The following TMEM164 variants were observed in gnomAD, a reference collection of about 807,000 sequenced individuals.
TMEM164 encodes the protein RP13-360B22.2.
A neutral mutation model predicts 18.8 loss-of-function variants in TMEM164; 4 were observed. The ratio of observed to expected loss-of-function variants is 0.21; its 90% CI spans 0.10 to 0.49. The LOEUF (loss-of-function observed/expected upper bound fraction) is 0.49, where lower values mean the gene tolerates loss of function less well. TMEM164 is among the 20% of genes least tolerant of loss of function. The pLI is 0.98. For missense variants in TMEM164, 108 were observed against 239.9 expected, an observed-to-expected ratio of 0.45 and a Z score of 3.63; for synonymous variants, 86 against 101.7, an observed-to-expected ratio of 0.85 and a Z score of 0.93.
Position 110,009,992 on chromosome X carries a change from CAAA to C in TMEM164, c.390+5842_390+5844del, listed in dbSNP as rs34211835. On this transcript the variant is annotated intron_variant, in intron 2 of 6. Coordinates refer to ENST00000372068, the MANE Select transcript of TMEM164 (RefSeq NM_032227.4). ...TGGGTGACAGAGCAAGACTCTGTCT[CAAA>C]AAAAAAAAAAAAATCTTTCTGCCTG... is the stretch of plus-strand genomic sequence containing the variant. 5.0e-4 allele frequency among the ~76,000 whole-genome samples: 37 copies of C among 73,574 alleles called. No individual in the cohort carries two copies. In the East Asian group the frequency reaches 0.012, roughly 24 times the overall value. 63.9% of individuals were successfully genotyped at this position (73,574 alleles called of 115,157 possible).
intron 2 of TMEM164, among the ~76,000 whole-genome samples, chrX:110,023,158 G>C (rs1933998121): frequency 9.0e-6 from 1 of 111,232 alleles, no homozygotes; most frequent in African/African-American, 3.3e-5. Context: ...GAGTGGGAAG[G>C]GCCAGCACTG....
intron 4 of TMEM164, among the ~76,000 whole-genome samples, chrX:110,128,363 A>G: frequency 8.9e-6 from 1 of 112,154 alleles, no homozygotes; most frequent in Non-Finnish European, 1.9e-5. Flanking sequence ...TACAGGTAAA[A>G]TGTTACTATA....
At chrX:110,019,237 A>C (rs1933659773) in intron 2 of TMEM164, among the ~76,000 whole-genome samples, 1 of 111,346 alleles carries the variant, frequency 9.0e-6, no homozygotes, top group Non-Finnish European at 1.9e-5. Flanking sequence ...CAATCCATCC[A>C]GTGACCCAGG....
At chrX:110,169,002 G>C (rs766121305) in intron 5 of TMEM164, among the ~76,000 whole-genome samples, 2 of 112,354 alleles carry the variant, frequency 1.8e-5, no homozygotes, top group South Asian at 7.4e-4. Context: ...TAGGTGAGTA[G>C]AACCGAGTTC....
intron 5 of TMEM164, among the ~76,000 whole-genome samples, chrX:110,168,724 C>A (rs2067191285): frequency 8.9e-6 from 1 of 112,459 alleles, no homozygotes; most frequent in Non-Finnish European, 1.9e-5. Flanking sequence ...CCCACATGCT[C>A]TCCTTACATG....
At chrX:110,034,752 T>TA (rs1235930092) in intron 2 of TMEM164, among the ~76,000 whole-genome samples, 1 of 105,340 alleles carries the variant, frequency 9.5e-6, no homozygotes, top group African/African-American at 3.5e-5. Flanking sequence ...ATCATGCTGC[T>TA]ATAAAGACAC....
rs1569331132 is a variant in TMEM164 at position 110,105,749 on chromosome X, A to AAGAGAGAGAG, written c.441-3331_441-3330insAGAGAGAGAG. On this transcript the variant is annotated intron_variant, in intron 3 of 6. Transcript: ENST00000372068. ...ACACACACAGAGAGAGAGAGAGAGA[A>AAGAGAGAGAG]TGAGAGAGAGAGAGAGAGAGAGAGA... 2.0e-4 allele frequency among the ~76,000 whole-genome samples: 11 copies of AAGAGAGAGAG among 53,920 alleles called. No individual in the cohort carries two copies. In the East Asian group the frequency reaches 2.9e-3, roughly 14 times the overall value. The allele number at this position is 53,920 out of a possible 115,157, so 46.8% of individuals were successfully genotyped here. A position where few individuals can be genotyped will look rare whatever the true frequency, so the allele number is the denominator to read the frequency against.
intron 5 of TMEM164, among the ~76,000 whole-genome samples, chrX:110,153,822 C>T (rs762833131): frequency 2.7e-5 from 3 of 111,305 alleles, no homozygotes; most frequent in Non-Finnish European, 5.7e-5. Context: ...GTATTTTATG[C>T]GTGGCCCAAG....
chrX:110,107,730 G>A (rs986264115), intron 3 of TMEM164, among the ~76,000 whole-genome samples: 4 of 105,620 alleles, frequency 3.8e-5, no homozygotes, highest in African/African-American at 1.4e-4. Flanking sequence ...CATGATCTCG[G>A]TTCACTGCAA....
At chrX:110,116,041 T>C (rs1008432410) in intron 4 of TMEM164, among the ~76,000 whole-genome samples, 1 of 111,549 alleles carries the variant, frequency 9.0e-6, no homozygotes, top group Non-Finnish European at 1.9e-5. Flanking sequence ...GGTGGTGAGC[T>C]ATGGCCAACA....
At chrX:110,068,579 T>C (rs1195010645) in intron 3 of TMEM164, among the ~76,000 whole-genome samples, 3 of 112,522 alleles carry the variant, frequency 2.7e-5, no homozygotes, top group African/African-American at 9.7e-5. Context: ...TTATTACCTT[T>C]CTTTTCTTAA....
rs1313748442 is a variant in TMEM164, at chrX:110,173,620, C to T, written c.*169C>T. The T allele has an allele frequency of 1.3e-4, 62 of 474,640 alleles. No individual in the cohort carries two copies. The highest frequency in any genetic ancestry group is 3.3e-5 in the South Asian group (1 of 30,017). The allele number at this position is 474,640 out of a possible 1,213,427, so 39.1% of individuals were successfully genotyped here. ...TACCACTCTTCCTTTCCCAGCTCTT[C>T]CCCCTACGATGTCTCCTTGAGCCTG... On this transcript the variant is annotated 3_prime_UTR_variant, in exon 7 of 7. Transcript: ENST00000372068.
At chrX:110,093,705 T>G (rs916120543) in intron 3 of TMEM164, among the ~76,000 whole-genome samples, 1 of 111,714 alleles carries the variant, frequency 9.0e-6, no homozygotes, top group South Asian at 3.8e-4. Context: ...TCCTCTGATC[T>G]TAGTTATTTC....
chrX:110,013,508 T>A (rs1280683300), intron 2 of TMEM164, among the ~76,000 whole-genome samples: 1 of 112,359 alleles, frequency 8.9e-6, no homozygotes, highest in East Asian at 2.8e-4. Flanking sequence ...GTGGCTGGTG[T>A]GTACACATCA....
At chrX:110,130,664 G>A (rs909507022) in intron 4 of TMEM164, among the ~76,000 whole-genome samples, 13 of 109,400 alleles carry the variant, frequency 1.2e-4, no homozygotes, top group African/African-American at 4.3e-4. Context: ...CCAGGTAGGG[G>A]TTGAATACCT....
chrX:110,071,375 A>AT (rs1186262057), intron 3 of TMEM164, among the ~76,000 whole-genome samples: 3 of 109,310 alleles, frequency 2.7e-5, no homozygotes, highest in Non-Finnish European at 3.8e-5. Flanking sequence ...GTCATGTGGG[A>AT]TTTTTTCATT....
intron 3 of TMEM164, among the ~76,000 whole-genome samples, chrX:110,073,168 A>G (rs2065621541): frequency 9.0e-6 from 1 of 111,296 alleles, no homozygotes; most frequent in African/African-American, 3.3e-5. Flanking sequence ...AGTAGCTGGG[A>G]CTACAGGCAC....
intron 2 of TMEM164, among the ~76,000 whole-genome samples, chrX:110,023,790 A>T (rs1934043979): frequency 1.8e-5 from 2 of 111,781 alleles, no homozygotes; most frequent in Admixed American, 9.4e-5. Context: ...TGTTAGGCTA[A>T]TGGAGCCTAA....
At chrX:110,017,360 T>G (rs1250774681) in intron 2 of TMEM164, among the ~76,000 whole-genome samples, 1 of 109,421 alleles carries the variant, frequency 9.1e-6, no homozygotes, top group Non-Finnish European at 1.9e-5. Context: ...CATTGTTTAT[T>G]GCCTTCTTGA....
Sources: allele counts gnomAD v4.1 joint callset (sites outside exome capture counted in the v4.1 genomes callset), GRCh38; gene constraint gnomAD v4.1.1; transcripts MANE v1.5; gene names NCBI Gene and HGNC (gene_info 2026-07-23, HGNC 2026-07-21).